Variants in FBXW7 observed in about 807,000 individuals in gnomAD.
FBXW7 encodes the protein F-box/WD repeat-containing protein 7.
A neutral mutation model predicts 86.3 loss-of-function variants in FBXW7; 11 were observed. The observed-to-expected ratio is 0.13, with a 90% CI of 0.08 to 0.21. FBXW7 has a LOEUF of 0.21. Ranked by LOEUF, FBXW7 falls within the 10% of genes least tolerant of loss-of-function variation. The pLI, the probability that FBXW7 is intolerant of heterozygous loss-of-function variation, is 1.00. For missense variants in FBXW7, 488 were observed against 847.4 expected (o/e 0.58, Z 5.27); for synonymous variants, 313 against 297.9 (o/e 1.05, Z -0.52).
chr4:152,408,514 C>T (rs939443686), intron 4 of FBXW7, among the ~76,000 whole-genome samples: 1 of 152,112 alleles, frequency 6.6e-6, no homozygotes, highest in Non-Finnish European at 1.5e-5. Context: ...TTTTTAACAG[C>T]GTCATTTGTT....
intron 2 of FBXW7, among the ~76,000 whole-genome samples, chr4:152,434,887 T>G (rs564837763): frequency 6.6e-6 from 1 of 151,886 alleles, no homozygotes; most frequent in East Asian, 1.9e-4. Context: ...TACAGAACAG[T>G]GGTTTTCAGA....
Position 152,405,429 on chromosome 4 carries a change from G to A in FBXW7, c.501+5874C>T, listed in dbSNP as rs547954837. Among the ~76,000 whole-genome samples, 7 of 152,232 alleles carry A rather than the reference G, an allele frequency of 4.6e-5. No homozygotes were observed. In the South Asian group the frequency reaches 1.2e-3, roughly 27 times the overall value. ...TATGATTCAAAACAAGTAGAGAGGA[G>A]AGGAGATGAAACCAGGTAAAAACTA... On this transcript the variant is annotated intron_variant, in intron 4 of 13. Coordinates refer to ENST00000281708, the MANE Select transcript of FBXW7 (RefSeq NM_001349798.2).
chr4:152,489,508 T>G (rs753049013), intron 2 of FBXW7: 1 of 152,604 alleles, frequency 6.6e-6, no homozygotes, highest in Non-Finnish European at 1.5e-5. Flanking sequence ...TTTAGCATTT[T>G]CTAAACTAAC....
chr4:152,422,859 T>C (rs1022366835), intron 2 of FBXW7, among the ~76,000 whole-genome samples: 8 of 152,216 alleles, frequency 5.3e-5, no homozygotes, highest in Non-Finnish European at 1.0e-4. Flanking sequence ...AACTATTATT[T>C]AATCTTGACC....
intron 2 of FBXW7, among the ~76,000 whole-genome samples, chr4:152,491,902 T>C (rs190202424): frequency 2.0e-5 from 3 of 152,328 alleles, no homozygotes; most frequent in Admixed American, 6.5e-5. Context: ...GTTTATTTTA[T>C]CTAAGATACA....
At chr4:152,500,251 C>T (rs1042972330) in intron 2 of FBXW7, among the ~76,000 whole-genome samples, 3 of 151,986 alleles carry the variant, frequency 2.0e-5, no homozygotes, top group Non-Finnish European at 4.4e-5. Flanking sequence ...TGACTTCTTC[C>T]TCTATATTAT....
intron 4 of FBXW7, among the ~76,000 whole-genome samples, chr4:152,395,860 G>T (rs1237025176): frequency 6.6e-6 from 1 of 151,934 alleles, no homozygotes; most frequent in Admixed American, 6.6e-5. Flanking sequence ...AAAAATAGGT[G>T]GTCTATGGGT....
intron 2 of FBXW7, among the ~76,000 whole-genome samples, chr4:152,501,815 T>G (rs547676299): frequency 3.9e-5 from 6 of 152,138 alleles, no homozygotes; most frequent in Non-Finnish European, 7.4e-5. Context: ...CTTTAGAATA[T>G]AGATACTTTT....
At chr4:152,416,414 A>AT (rs1319555783) in intron 2 of FBXW7, among the ~76,000 whole-genome samples, 1 of 152,122 alleles carries the variant, frequency 6.6e-6, no homozygotes, top group Non-Finnish European at 1.5e-5. Context: ...ATAATAAATC[A>AT]TTTTTCCCTC....
At chr4:152,375,062 G>C (rs1734370866) in intron 4 of FBXW7, among the ~76,000 whole-genome samples, 1 of 152,016 alleles carries the variant, frequency 6.6e-6, no homozygotes, top group East Asian at 1.9e-4. Context: ...CTTTAAATGA[G>C]AATTAATCAT....
intron 2 of FBXW7, among the ~76,000 whole-genome samples, chr4:152,491,049 G>C (rs1560962314): frequency 6.6e-6 from 1 of 152,074 alleles, no homozygotes; most frequent in African/African-American, 2.4e-5. Context: ...CATTAATAAG[G>C]AAGAAGCATA....
At chr4:152,530,696 T>C (rs868761070) in intron 2 of FBXW7, 1 of 152,212 alleles carries the variant, frequency 6.6e-6, no homozygotes, top group Non-Finnish European at 1.5e-5. Flanking sequence ...CCACCAAAAA[T>C]AGCCAGTCCT....
chr4:152,513,095 C>A (rs1748134224), intron 2 of FBXW7, among the ~76,000 whole-genome samples: 1 of 152,162 alleles, frequency 6.6e-6, no homozygotes, highest in Admixed American at 6.5e-5. Context: ...CCCTTGACCT[C>A]AGGTGATCCG....
intron 2 of FBXW7, among the ~76,000 whole-genome samples, chr4:152,421,889 C>T (rs1738980858): frequency 6.6e-6 from 1 of 152,082 alleles, no homozygotes; most frequent in Non-Finnish European, 1.5e-5. Context: ...TGGTTCATGG[C>T]ATCCCCAAAC....
chr4:152,411,051 T>C, intron 4 of FBXW7: 1 of 580,188 alleles, frequency 1.7e-6, no homozygotes, highest in Non-Finnish European at 2.6e-6. Context: ...TAGACGAAAA[T>C]TTGATGTTAA....
At position 152,415,837 on chromosome 4, in the gene FBXW7, T is replaced by G. The variant is rs568879172; in HGVS notation, c.-119-3308A>C. 6.2e-4 allele frequency among the ~76,000 whole-genome samples: 94 copies of G among 152,204 alleles called. 1 individual carries two copies. In the South Asian group the frequency reaches 0.018, roughly 29 times the overall value. On this transcript the variant is annotated intron_variant, in intron 2 of 13. Coordinates refer to ENST00000281708, the MANE Select transcript of FBXW7 (RefSeq NM_001349798.2). Reference sequence around the variant, plus strand: ...GAGTCTTTGTGCTAGCTATTCCTCTTTTTATTTCTTTTACTTCCTTCATAG... The same window carrying G: ...GAGTCTTTGTGCTAGCTATTCCTCTGTTTATTTCTTTTACTTCCTTCATAG...
chr4:152,410,668 C>T (rs1737864716), intron 4 of FBXW7, among the ~76,000 whole-genome samples: 1 of 151,968 alleles, frequency 6.6e-6, no homozygotes, highest in African/African-American at 2.4e-5. Context: ...TTGTTTATGG[C>T]CTAAAATCAC....
Position 152,477,353 on chromosome 4 carries a change from C to T in FBXW7, c.-120+57588G>A, listed in dbSNP as rs1397569122. Among the ~76,000 whole-genome samples the T allele has an allele frequency of 2.6e-5, 4 of 152,068 alleles. No individual in the cohort carries two copies. In the East Asian group the frequency reaches 7.7e-4, roughly 29 times the overall value. Reference sequence around the variant, plus strand: ...AGTCATCGGACCTATCATCTCTTACCAGAGTGACATACTTCTATTTTTGTG... The same window carrying T: ...AGTCATCGGACCTATCATCTCTTACTAGAGTGACATACTTCTATTTTTGTG... On this transcript the variant is annotated intron_variant, in intron 2 of 13. Transcript: ENST00000281708.
At chr4:152,461,489 C>A (rs1161256890) in intron 2 of FBXW7, among the ~76,000 whole-genome samples, 2 of 152,130 alleles carry the variant, frequency 1.3e-5, no homozygotes, top group Non-Finnish European at 2.9e-5. Flanking sequence ...TCTGCAAATG[C>A]AGAAACATGG....
Sources: gnomAD v4.1 joint callset for allele counts (sites outside exome capture counted in the v4.1 genomes callset) on GRCh38, gnomAD v4.1.1 for gene constraint, MANE v1.5 for transcripts, NCBI Gene and HGNC (gene_info 2026-07-23, HGNC 2026-07-21) for gene names.